The following ZSCAN25 variants were observed in gnomAD, a reference collection of about 807,000 sequenced individuals.
The protein encoded by ZSCAN25 is zinc finger and SCAN domain containing 25.
In ZSCAN25, 27 loss-of-function variants were observed where a neutral mutation model predicts 38.7. The ratio of observed to expected loss-of-function variants is 0.70; its 90% confidence interval spans 0.51 to 0.96. The LOEUF (loss-of-function observed/expected upper bound fraction) is 0.96, where lower values mean the gene tolerates loss of function less well. Among genes scored for constraint, ZSCAN25 ranks in the 40% least tolerant of loss-of-function variants. The probability of loss-of-function intolerance (pLI) is 0.00; values close to 1 mark genes in which losing one functional copy is unlikely to be tolerated. For missense variants in ZSCAN25, 637 were observed against 705.9 expected, an observed-to-expected ratio of 0.90 and a Z score of 1.11; for synonymous variants, 273 against 277.7, an observed-to-expected ratio of 0.98 and a Z score of 0.17.
At chr7:99,685,282 A>T in the ZSCAN25 span, 1 of 1,610,406 alleles carries the variant, frequency 6.2e-7, no homozygotes, top group Non-Finnish European at 8.5e-7. Context: ...ATAAAGCAAA[A>T]TTAGAAACTG....
chr7:99,731,258 C>T, the ZSCAN25 span: 1 of 1,258,172 alleles, frequency 7.9e-7, no homozygotes, highest in Non-Finnish European at 1.1e-6. Context: ...AAGGAGGTAA[C>T]ATTAAGGCAA....
Position 99,631,448 on chromosome 7 carries a change from G to C in ZSCAN25, c.*1428G>C, listed in dbSNP as rs1462229935. ...GCCATCACTTAAGGGTTTCATTTCT[G>C]TTTAAAGTTCTGGAAGCTGCATAAC... On this transcript the variant is annotated 3_prime_UTR_variant, in exon 8 of 8. Transcript: ENST00000394152. The C allele has an allele frequency of 1.0e-6, 1 of 985,346 alleles. No homozygotes were observed. Among genetic ancestry groups the C allele is most frequent in the Non-Finnish European group, 1.2e-6 (1 of 829,942 alleles). The allele number at this position is 985,346 out of a possible 1,614,324, so 61.0% of individuals were successfully genotyped here. A position where few individuals can be genotyped will look rare whatever the true frequency, so the allele number is the denominator to read the frequency against.
At chr7:99,680,764 C>T in the ZSCAN25 span, among the ~76,000 whole-genome samples, 1 of 152,172 alleles carries the variant, frequency 6.6e-6, no homozygotes, top group Non-Finnish European at 1.5e-5. Context: ...TCTTGTTCTG[C>T]AAAGGAAAAT....
chr7:99,707,802 A>G, the ZSCAN25 span: 3 of 1,613,630 alleles, frequency 1.9e-6, no homozygotes, highest in Admixed American at 3.3e-5. Flanking sequence ...AATGCAGAAA[A>G]TTGACTGACC....
At chr7:99,685,251 A>G in the ZSCAN25 span, 13 of 1,613,304 alleles carry the variant, frequency 8.1e-6, no homozygotes, top group Non-Finnish European at 9.3e-6. Context: ...ACAGTTAAAC[A>G]AGCATATTGA....
chr7:99,715,348 A>G, the ZSCAN25 span: 143 of 240,858 alleles, frequency 5.9e-4, no homozygotes, highest in South Asian at 7.9e-3. Flanking sequence ...TCATGCCACA[A>G]CACAGTAAAC....
At chr7:99,718,811 A>G in the ZSCAN25 span, among the ~76,000 whole-genome samples, 3 of 152,258 alleles carry the variant, frequency 2.0e-5, no homozygotes, top group East Asian at 1.9e-4. Context: ...GCAAGGTTCT[A>G]TGATACAAGA....
chr7:99,703,519 A>G, the ZSCAN25 span, among the ~76,000 whole-genome samples: 1 of 152,134 alleles, frequency 6.6e-6, no homozygotes, highest in Non-Finnish European at 1.5e-5. Context: ...CTATCTATAT[A>G]TCTATCGTAT....
Position 99,630,920 on chromosome 7 carries a change from G to A in ZSCAN25, c.*900G>A. On this transcript the variant is annotated 3_prime_UTR_variant, in exon 8 of 8. Coordinates refer to ENST00000394152, the MANE Select transcript of ZSCAN25 (RefSeq NM_145115.3). ...CTGAAAGATGAACTCTAGTATTAAT[G>A]CCCTATATTTGATGGCACTTTATAG... 1 of 974,878 alleles carries A rather than the reference G, an allele frequency of 1.0e-6. No homozygotes were observed. Among genetic ancestry groups the A allele is most frequent in the African/African-American group, 1.8e-5 (1 of 57,140 alleles). 60.4% of individuals were successfully genotyped at this position (974,878 alleles called of 1,614,324 possible).
chr7:99,707,388 T>C, the ZSCAN25 span, among the ~76,000 whole-genome samples: 1 of 152,232 alleles, frequency 6.6e-6, no homozygotes, highest in Non-Finnish European at 1.5e-5. Flanking sequence ...AGCTCCCTGG[T>C]GATTCCAATG....
chr7:99,624,158 G>A lies in ZSCAN25; in HGVS notation c.783G>A (p.Pro261=), dbSNP rs192539801. ...ACTGCTTTGGGGAGTATGTGGAACC[G>A]CAGGACTGCAGGGTCTCTCCAGGTA... ...QIDCFGEYVE[P]QDCRVSPGGG... is the part of the protein sequence containing the mutation. The change falls in exon 7 of 8, where the codon CCG becomes CCA. Residue 261 remains proline (P), a synonymous_variant. Transcript: ENST00000394152. 1.8e-5 allele frequency: 29 copies of A among 1,613,632 alleles called. No individual in the cohort carries two copies. Among genetic ancestry groups the A allele is most frequent in the East Asian group, 4.5e-5 (2 of 44,892 alleles).
chr7:99,713,616 C>T, the ZSCAN25 span: 2 of 1,596,020 alleles, frequency 1.3e-6, no homozygotes, highest in East Asian at 4.5e-5. Context: ...TCCTCAACCT[C>T]CCTTCTGAGA....
chr7:99,625,448 T>C (rs559744163), intron 7 of ZSCAN25, among the ~76,000 whole-genome samples: 7 of 152,262 alleles, frequency 4.6e-5, no homozygotes, highest in African/African-American at 1.7e-4. Flanking sequence ...GAAGAGGCCA[T>C]GTGCATGTAA....
At chr7:99,664,573 A>T in the ZSCAN25 span, among the ~76,000 whole-genome samples, 33 of 152,340 alleles carry the variant, frequency 2.2e-4, no homozygotes, top group South Asian at 6.6e-3. Context: ...TACAGTTTTA[A>T]GTGACCAGTG....
the ZSCAN25 span, among the ~76,000 whole-genome samples, chr7:99,655,934 C>A: frequency 1.3e-5 from 2 of 152,132 alleles, no homozygotes; most frequent in Non-Finnish European, 2.9e-5. Flanking sequence ...GATTTTGTAT[C>A]CTGATACTTT....
Position 99,630,572 on chromosome 7 carries a change from CAG to C in ZSCAN25, c.*553_*554del, listed in dbSNP as rs1350505159. 4.0e-6 allele frequency: 4 copies of C among 987,824 alleles called. No homozygotes were observed. Among genetic ancestry groups the C allele is most frequent in the Non-Finnish European group, 4.8e-6 (4 of 831,766 alleles). The allele number at this position is 987,824 out of a possible 1,614,324, so 61.2% of individuals were successfully genotyped here. ...GACAGCCCATGACCCGAGGCATTCT[CAG>C]GGTATCTGTGCTGTGTGCCCGTGAG... On this transcript the variant is annotated 3_prime_UTR_variant, in exon 8 of 8. Coordinates refer to ENST00000394152, the MANE Select transcript of ZSCAN25 (RefSeq NM_145115.3).
At chr7:99,672,210 C>T in the ZSCAN25 span, among the ~76,000 whole-genome samples, 21 of 152,038 alleles carry the variant, frequency 1.4e-4, no homozygotes, top group Non-Finnish European at 2.2e-4. Context: ...TGCCACCACA[C>T]GCAGCTAATT....
the ZSCAN25 span, chr7:99,710,910 A>G: frequency 6.1e-5 from 99 of 1,613,548 alleles, no homozygotes; most frequent in Non-Finnish European, 7.7e-5. Flanking sequence ...GAGAGAAAAG[A>G]CATTTTAGGT....
At position 99,630,437 on chromosome 7, in the gene ZSCAN25, A is replaced by G. The variant is rs1807907833; in HGVS notation, c.*417A>G. The G allele has an allele frequency of 9.9e-7, 1 of 1,006,652 alleles. No homozygotes were observed. Among genetic ancestry groups the G allele is most frequent in the East Asian group, 1.0e-4 (1 of 9,670 alleles). The allele number at this position is 1,006,652 out of a possible 1,614,324, so 62.4% of individuals were successfully genotyped here. A position where few individuals can be genotyped will look rare whatever the true frequency, so the allele number is the denominator to read the frequency against. ...TCTTCCCCCACCCCCTCTCTTTTCC[A>G]TTGAACAAACATTTATTGAACATCC... On this transcript the variant is annotated 3_prime_UTR_variant, in exon 8 of 8. Transcript: ENST00000394152.
Sources: gnomAD v4.1 joint callset for allele counts (sites outside exome capture counted in the v4.1 genomes callset) on GRCh38, gnomAD v4.1.1 for gene constraint, MANE v1.5 for transcripts, NCBI Gene and HGNC (gene_info 2026-07-23, HGNC 2026-07-21) for gene names.